AHI1: variants seen among roughly 807,000 people sequenced by gnomAD.
The protein encoded by AHI1 is jouberin.
Under a neutral mutation model 149.3 loss-of-function variants are expected in AHI1, and 123 were observed. The ratio of observed to expected loss-of-function variants is 0.82; its 90% confidence interval spans 0.71 to 0.96. The LOEUF (loss-of-function observed/expected upper bound fraction) is 0.96, where lower values mean the gene tolerates loss of function less well. Ranked by LOEUF, AHI1 falls within the 40% of genes least tolerant of loss-of-function variation. AHI1 has a pLI of 0.00. For missense variants in AHI1, 1,439 were observed against 1,422.7 expected (o/e 1.01, Z -0.18); for synonymous variants, 475 against 459.8 (o/e 1.03, Z -0.42).
rs540849894 is a variant in AHI1, at chr6:135,300,484, TGAA to T, written c.3485+13_3485+15del. Reference sequence around the variant, plus strand: ...AACCATTTATCACTGCAAATTATTTTGAAGAAGTTGCTTACTGTGTCATAGATT... The same window carrying T: ...AACCATTTATCACTGCAAATTATTTTGAAGTTGCTTACTGTGTCATAGATT... On this transcript the variant is annotated intron_variant, in intron 27 of 28. Transcript: ENST00000265602. 8,527 of 1,592,180 alleles carry T rather than the reference TGAA, an allele frequency of 5.4e-3. 29 individuals are homozygous for T. Among genetic ancestry groups the T allele is most frequent in the Non-Finnish European group, 6.6e-3 (7,772 of 1,169,682 alleles).
Position 135,300,529 on chromosome 6 carries a change from G to C in AHI1, c.3456C>G (p.Asp1152Glu). 1 of 1,609,010 alleles carries C rather than the reference G, an allele frequency of 6.2e-7. No homozygotes were observed. The highest frequency in any genetic ancestry group is 1.1e-5 in the South Asian group (1 of 89,664). ...KQSINKNKSQ[D>E]FRLGSESMTH... is the part of the protein sequence containing the mutation. Reference sequence around the variant, plus strand: ...TCATAGATTCTGAGCCTAGTCTGAAGTCCTGGGACTTGTTCTTATTGATTG... The same window carrying C: ...TCATAGATTCTGAGCCTAGTCTGAACTCCTGGGACTTGTTCTTATTGATTG... Residue 1152 changes from aspartate (D) to glutamate (E), a missense_variant, in exon 27 of 29, where the codon GAC becomes GAG. Transcript: ENST00000265602.
At position 135,475,981 on chromosome 6, in the gene AHI1, CTCT is replaced by C. The variant is rs761755218; in HGVS notation, c.136-8350_136-8348del. 2.9e-4 allele frequency among the ~76,000 whole-genome samples: 44 copies of C among 152,242 alleles called. No individual in the cohort carries two copies. In the East Asian group the frequency reaches 7.3e-3, roughly 25 times the overall value. ...AGGTTTTCTATTTTACTGATTTATA[CTCT>C]TCTTATTTCTATCCTGTGTTTATTT... On this transcript the variant is annotated intron_variant, in intron 5 of 28. Coordinates refer to ENST00000265602, the MANE Select transcript of AHI1 (RefSeq NM_001134831.2).
intron 23 of AHI1, among the ~76,000 whole-genome samples, chr6:135,364,108 G>A (rs553014158): frequency 3.6e-4 from 55 of 151,618 alleles, no homozygotes; most frequent in South Asian, 1.7e-3. Context: ...GGTGGCTGCC[G>A]GGCGGAGATG....
chr6:135,441,741 A>G (rs1786333743), intron 14 of AHI1, among the ~76,000 whole-genome samples: 2 of 152,158 alleles, frequency 1.3e-5, no homozygotes, highest in African/African-American at 2.4e-5. Context: ...TTTTCCCTCT[A>G]CATATGGGTT....
At chr6:135,392,023 G>GA (rs1283055837) in intron 23 of AHI1, among the ~76,000 whole-genome samples, 1 of 152,138 alleles carries the variant, frequency 6.6e-6, no homozygotes, top group East Asian at 1.9e-4. Context: ...AAAAACCCAA[G>GA]AGTTCCATTG....
At chr6:135,448,226 A>ATGC in intron 12 of AHI1, 64 bp downstream of exon 12, 1 of 1,175,328 alleles carries the variant, frequency 8.5e-7, no homozygotes, top group Non-Finnish European at 1.1e-6. Context: ...AATGAAAAAC[A>ATGC]TGCTATGTCA....
chr6:135,323,127 A>C (rs886181540), intron 25 of AHI1, 35 bp downstream of exon 25: 2 of 1,576,664 alleles, frequency 1.3e-6, no homozygotes, highest in East Asian at 4.5e-5. Context: ...CAGTTATACC[A>C]TACTAGTAAA....
chr6:135,367,290 A>G (rs1274430358), intron 23 of AHI1, among the ~76,000 whole-genome samples: 1 of 152,164 alleles, frequency 6.6e-6, no homozygotes, highest in Non-Finnish European at 1.5e-5. Context: ...ACAGCTCTTA[A>G]GATTCTTTCC....
At chr6:135,456,487 G>A (rs895711246) in intron 9 of AHI1, among the ~76,000 whole-genome samples, 1 of 151,026 alleles carries the variant, frequency 6.6e-6, no homozygotes, top group Non-Finnish European at 1.5e-5. Context: ...TGAGGCTGTA[G>A]TAAGCTGTGA....
chr6:135,294,200 C>T (rs1055892004), intron 27 of AHI1, among the ~76,000 whole-genome samples: 41 of 152,132 alleles, frequency 2.7e-4, no homozygotes, highest in African/African-American at 9.4e-4. Context: ...GTGGTGTGCA[C>T]CTGTAATCCC....
At chr6:135,295,063 ACT>A (rs1319422877) in intron 27 of AHI1, among the ~76,000 whole-genome samples, 6 of 152,314 alleles carry the variant, frequency 3.9e-5, no homozygotes, top group Middle Eastern at 3.4e-3. Flanking sequence ...TATATAAATG[ACT>A]CTTAAAATTT....
intron 5 of AHI1, among the ~76,000 whole-genome samples, chr6:135,474,023 T>A (rs959275388): frequency 1.3e-5 from 2 of 152,214 alleles, no homozygotes; most frequent in African/African-American, 4.8e-5. Context: ...TGTGAGATAT[T>A]CAACACTTTA....
chr6:135,471,700 A>T (rs189986705), intron 5 of AHI1, among the ~76,000 whole-genome samples: 1 of 152,264 alleles, frequency 6.6e-6, no homozygotes, highest in Admixed American at 6.5e-5. Context: ...CTGCTATTAA[A>T]ATCAGCTTTA....
At chr6:135,471,640 C>G (rs970620237) in intron 5 of AHI1, among the ~76,000 whole-genome samples, 1 of 140,460 alleles carries the variant, frequency 7.1e-6, no homozygotes, top group African/African-American at 2.7e-5. Flanking sequence ...ATACCTTTGC[C>G]AATTTTTTAC....
intron 22 of AHI1, among the ~76,000 whole-genome samples, chr6:135,395,137 C>T (rs1035823587): frequency 1.1e-4 from 16 of 151,832 alleles, no homozygotes; most frequent in Non-Finnish European, 2.9e-5. Context: ...CTGAAGTTTA[C>T]CATGGACTTG....
intron 9 of AHI1, among the ~76,000 whole-genome samples, chr6:135,456,484 G>A (rs1312239417): frequency 6.6e-6 from 1 of 151,322 alleles, no homozygotes; most frequent in Non-Finnish European, 1.5e-5. Context: ...GGTTGAGGCT[G>A]TAGTAAGCTG....
At chr6:135,413,301 C>T (rs1479857678) in intron 20 of AHI1, among the ~76,000 whole-genome samples, 2 of 151,996 alleles carry the variant, frequency 1.3e-5, no homozygotes, top group Admixed American at 1.3e-4. Flanking sequence ...GACTGGATGA[C>T]AGAGCTAATG....
intron 9 of AHI1, among the ~76,000 whole-genome samples, chr6:135,456,295 C>A (rs1788936621): frequency 1.3e-5 from 2 of 152,278 alleles, no homozygotes. Context: ...AACCCCAGCA[C>A]TTTGGGAGGC....
At position 135,422,451 on chromosome 6, in the gene AHI1, A is replaced by G. The variant is rs989560725; in HGVS notation, c.2764+4716T>C. Reference sequence around the variant, plus strand: ...AACCCAGGAGGTTGAGGCCGCAGTGAGCTGTGATTGTGCTACTGCACTCCA... The same window carrying G: ...AACCCAGGAGGTTGAGGCCGCAGTGGGCTGTGATTGTGCTACTGCACTCCA... On this transcript the variant is annotated intron_variant, in intron 20 of 28. Transcript: ENST00000265602. Among the ~76,000 whole-genome samples, 4 of 151,848 alleles carry G rather than the reference A, an allele frequency of 2.6e-5. No homozygotes were observed. In the South Asian group the frequency reaches 6.2e-4, roughly 24 times the overall value.
Sources: allele counts gnomAD v4.1 joint callset (sites outside exome capture counted in the v4.1 genomes callset), GRCh38; gene constraint gnomAD v4.1.1; transcripts MANE v1.5; gene names NCBI Gene and HGNC (gene_info 2026-07-23, HGNC 2026-07-21).